COG5: variants seen among roughly 807,000 people sequenced by gnomAD.
COG5 encodes the protein conserved oligomeric Golgi complex subunit 5.
A neutral mutation model predicts 110.4 loss-of-function variants in COG5; 86 were observed. That is an observed-to-expected ratio of 0.78 (90% confidence interval 0.65 to 0.93). The LOEUF is 0.93. Among genes scored for constraint, COG5 ranks in the 40% least tolerant of loss-of-function variants. The pLI is 0.00. For missense variants in COG5, 1,077 were observed against 987.0 expected (o/e 1.09, Z -1.22); for synonymous variants, 360 against 334.6 (o/e 1.08, Z -0.83).
At chr7:107,294,918 TG>T (rs1806505444) in intron 12 of COG5, among the ~76,000 whole-genome samples, 1 of 95,228 alleles carries the variant, frequency 1.1e-5, no homozygotes, top group South Asian at 3.3e-4. Flanking sequence ...TGTGTGTGTG[TG>T]TGTGTATATA....
At chr7:107,210,291 G>A in intron 21 of COG5, 1 of 1,414,478 alleles carries the variant, frequency 7.1e-7, no homozygotes, top group South Asian at 1.6e-5. Context: ...ATGGGACACA[G>A]GATTGCACAT....
intron 6 of COG5, among the ~76,000 whole-genome samples, chr7:107,490,150 A>AT (rs1240339813): frequency 6.6e-6 from 1 of 152,080 alleles, no homozygotes; most frequent in Admixed American, 6.6e-5. Flanking sequence ...CAGAGACTTG[A>AT]TTTTCACTTT....
At chr7:107,267,380 T>C (rs966827828) in intron 14 of COG5, among the ~76,000 whole-genome samples, 3 of 152,222 alleles carry the variant, frequency 2.0e-5, no homozygotes, top group African/African-American at 4.8e-5. Context: ...TCTTAAGCTT[T>C]TGAACAGCAG....
intron 7 of COG5, among the ~76,000 whole-genome samples, chr7:107,410,401 A>G (rs1792192929): frequency 6.6e-6 from 1 of 152,170 alleles, no homozygotes; most frequent in African/African-American, 2.4e-5. Flanking sequence ...ATCGAGTAGT[A>G]AAGACATTTA....
At position 107,430,353 on chromosome 7, in the gene COG5, CA is replaced by C. The variant is rs1793939279; in HGVS notation, c.539-17722del. Among the ~76,000 whole-genome samples, 4 of 152,302 alleles carry C rather than the reference CA, an allele frequency of 2.6e-5. No homozygotes were observed. The South Asian group carries it at 6.2e-4, about 24-fold the overall frequency. ...ATTTTTTGAAAAGACTATTCATTAC[CA>C]ATTACATTGTCTTCACATTCTTGTT... On this transcript the variant is annotated intron_variant, in intron 6 of 21. Transcript: ENST00000297135.
At chr7:107,412,744 G>A in intron 6 of COG5, 112 bp from the exon 7 acceptor site, 2 of 685,244 alleles carry the variant, frequency 2.9e-6, no homozygotes, top group Non-Finnish European at 4.8e-6. Flanking sequence ...CTATTAAACA[G>A]GGTTGCCATT....
At chr7:107,482,464 T>C (rs932940311) in intron 6 of COG5, among the ~76,000 whole-genome samples, 1 of 152,058 alleles carries the variant, frequency 6.6e-6, no homozygotes, top group African/African-American at 2.4e-5. Flanking sequence ...TTCTAATAAG[T>C]ACTCTCAGGT....
intron 10 of COG5, among the ~76,000 whole-genome samples, chr7:107,360,911 T>C (rs982015459): frequency 1.3e-5 from 2 of 152,210 alleles, no homozygotes; most frequent in African/African-American, 2.4e-5. Flanking sequence ...ATGAGCGATA[T>C]TCAGGCAGAA....
chr7:107,345,741 C>T lies in COG5; in HGVS notation c.1026+16292G>A, dbSNP rs545831318. ...AAGTAATGTAATTCTTAAACTAATTCTTTTATCACAATTAAAAAATAAACA... is the reference window on the plus strand; with the variant it reads ...AAGTAATGTAATTCTTAAACTAATTTTTTTATCACAATTAAAAAATAAACA... On this transcript the variant is annotated intron_variant, in intron 10 of 21. Coordinates refer to ENST00000297135, the MANE Select transcript of COG5 (RefSeq NM_006348.5). Among the ~76,000 whole-genome samples the T allele has an allele frequency of 2.1e-4, 32 of 152,146 alleles. No individual in the cohort carries two copies. In the South Asian group the frequency reaches 6.2e-3, roughly 30 times the overall value.
At chr7:107,290,537 G>A (rs1806077582) in intron 12 of COG5, among the ~76,000 whole-genome samples, 1 of 152,120 alleles carries the variant, frequency 6.6e-6, no homozygotes, top group African/African-American at 2.4e-5. Context: ...ACTTTGTGGG[G>A]ATTCGAATTA....
intron 11 of COG5, among the ~76,000 whole-genome samples, chr7:107,313,378 C>T (rs1193526434): frequency 6.6e-6 from 1 of 152,178 alleles, no homozygotes; most frequent in Non-Finnish European, 1.5e-5. Flanking sequence ...CGAATATTAA[C>T]AAGCATGTGG....
intron 19 of COG5, among the ~76,000 whole-genome samples, chr7:107,225,054 G>C (rs974405739): frequency 6.6e-6 from 1 of 152,180 alleles, no homozygotes; most frequent in Non-Finnish European, 1.5e-5. Context: ...ATGTATGAGG[G>C]CGTGTGCATG....
intron 7 of COG5, among the ~76,000 whole-genome samples, chr7:107,398,557 A>C (rs541609908): frequency 3.3e-5 from 5 of 152,306 alleles, no homozygotes; most frequent in African/African-American, 4.8e-5. Context: ...AGTTCATCCC[A>C]AAACCACCAC....
chr7:107,288,956 A>G lies in COG5; in HGVS notation c.1314-5224T>C, dbSNP rs1320732952. On this transcript the variant is annotated intron_variant, in intron 12 of 21. Transcript: ENST00000297135. ...TATATATATATATATATATATATAT[A>G]TATATATTTAAAAATTTATCTATAT... Among the ~76,000 whole-genome samples the G allele has an allele frequency of 6.8e-5, 7 of 102,278 alleles. No homozygotes were observed. In the South Asian group the frequency reaches 2.1e-3, roughly 31 times the overall value. 67.1% of individuals were successfully genotyped at this position (102,278 alleles called of 152,430 possible).
chr7:107,397,807 A>G (rs936450625), intron 7 of COG5, among the ~76,000 whole-genome samples: 20 of 152,208 alleles, frequency 1.3e-4, no homozygotes, highest in African/African-American at 4.6e-4. Context: ...GTAATTTAAG[A>G]AAAAGATTTA....
intron 19 of COG5, among the ~76,000 whole-genome samples, chr7:107,221,788 C>T (rs1799948410): frequency 6.6e-6 from 1 of 150,968 alleles, no homozygotes; most frequent in African/African-American, 2.4e-5. Context: ...AAAAGAGATG[C>T]TTAACTTTCT....
intron 6 of COG5, among the ~76,000 whole-genome samples, chr7:107,445,088 TCTCAGGAGCTTCCAGGAG>T (rs1225152149): frequency 6.6e-6 from 1 of 151,888 alleles, no homozygotes; most frequent in African/African-American, 2.4e-5. Context: ...GATAGGAGTA[TCTCAGGAGCTTCCAGGAG>T]CCCAGGAGTT....
At chr7:107,254,345 A>G (rs535345014) in intron 16 of COG5, among the ~76,000 whole-genome samples, 1 of 152,196 alleles carries the variant, frequency 6.6e-6, no homozygotes, top group Non-Finnish European at 1.5e-5. Context: ...AATTTCCAAC[A>G]ATTTTATGAA....
At chr7:107,213,595 C>T (rs1159029368) in intron 19 of COG5, among the ~76,000 whole-genome samples, 1 of 152,208 alleles carries the variant, frequency 6.6e-6, no homozygotes, top group Non-Finnish European at 1.5e-5. Context: ...CGCCTGATTG[C>T]AGTGGCCAGC....
Sources: allele counts gnomAD v4.1 joint callset (sites outside exome capture counted in the v4.1 genomes callset), GRCh38; gene constraint gnomAD v4.1.1; transcripts MANE v1.5; gene names NCBI Gene and HGNC (gene_info 2026-07-23, HGNC 2026-07-21).